The following MPV17 variants were observed in gnomAD, a reference collection of about 807,000 sequenced individuals.
MPV17 encodes MPV17, mitochondrial inner membrane protein.
In MPV17, 31 loss-of-function variants were observed where a neutral mutation model predicts 28.6. The ratio of observed to expected loss-of-function variants is 1.08; its 90% CI spans 0.81 to 1.46. The LOEUF (loss-of-function observed/expected upper bound fraction) is 1.46, where lower values mean the gene tolerates loss of function less well. Ranked by LOEUF, MPV17 falls within the 40% of genes most tolerant of loss-of-function variation. MPV17 has a pLI of 0.00. For synonymous variants in MPV17, 87 were observed against 85.3 expected, an observed-to-expected ratio of 1.02 and a Z score of -0.11; for missense variants, 198 against 216.2, an observed-to-expected ratio of 0.92 and a Z score of 0.53.
intron 2 of MPV17, among the ~76,000 whole-genome samples, chr2:27,321,045 A>G (rs1448556813): frequency 6.6e-6 from 1 of 152,208 alleles, no homozygotes; most frequent in Admixed American, 6.5e-5. Context: ...CCAGAACTCC[A>G]GCCACATGTC....
intron 2 of MPV17, among the ~76,000 whole-genome samples, chr2:27,320,000 G>A (rs1679798130): frequency 6.6e-6 from 1 of 151,394 alleles, no homozygotes. Context: ...CACTTTAGGA[G>A]GCCGAGGCGG....
chr2:27,314,701 G>T (rs1043020558), intron 2 of MPV17, among the ~76,000 whole-genome samples: 3 of 152,178 alleles, frequency 2.0e-5, no homozygotes, highest in East Asian at 1.9e-4. Context: ...GTGACCGTGT[G>T]ATTTCCAGCT....
intron 2 of MPV17, among the ~76,000 whole-genome samples, chr2:27,318,973 C>A (rs1333526147): frequency 6.6e-6 from 1 of 152,056 alleles, no homozygotes; most frequent in African/African-American, 2.4e-5. Flanking sequence ...CCATGTTGGC[C>A]AGGCTGGTCT....
intron 7 of MPV17, chr2:27,311,443 C>T: frequency 1.3e-6 from 1 of 771,942 alleles, no homozygotes; most frequent in Non-Finnish European, 2.1e-6. Flanking sequence ...CCCCTGTTCC[C>T]ACGATCCTTC....
In MPV17 at chr2:27,322,614, C is replaced by T. The variant is rs548792460; in HGVS notation, c.-5-92G>A. The T allele has an allele frequency of 1.8e-4, 185 of 1,001,808 alleles. No homozygotes were observed. The African/African-American group carries it at 2.7e-3, about 15-fold the overall frequency. The allele number at this position is 1,001,808 out of a possible 1,614,324, so 62.1% of individuals were successfully genotyped here. ...ATTCCCTTGTGCCCACTCCCTTCCC[C>T]TTCCCACTTCCAATGTGACTTAAAG... On this transcript the variant is annotated intron_variant, in intron 1 of 7. Coordinates refer to ENST00000380044, the MANE Select transcript of MPV17 (RefSeq NM_002437.5).
rs766487119 is a variant in MPV17 at position 27,312,742 on chromosome 2, A to T, written c.217T>A (p.Leu73Met). Residue 73 changes from leucine (L) to methionine (M), a missense_variant, in exon 4 of 8, where the codon TTG becomes ATG. Coordinates refer to ENST00000380044, the MANE Select transcript of MPV17 (RefSeq NM_002437.5). ...GPVVGGWYKV[L>M]DRFIPGTTKV... ...GTGGTGCCAGGGATGAACCGATCCAAAACCTTGTACCAGCCTCCTACCACA... is the reference window on the plus strand; with the variant it reads ...GTGGTGCCAGGGATGAACCGATCCATAACCTTGTACCAGCCTCCTACCACA... 29 of 1,614,088 alleles carry T rather than the reference A, an allele frequency of 1.8e-5. No individual in the cohort carries two copies. The Admixed American group carries it at 4.2e-4, about 23-fold the overall frequency.
rs761159373 is a variant in MPV17, at chr2:27,314,042, C to T, written c.71-933G>A. Among the ~76,000 whole-genome samples, 98 of 152,126 alleles carry T rather than the reference C, an allele frequency of 6.4e-4. 2 individuals are homozygous for T. Among genetic ancestry groups the T allele is most frequent in the Non-Finnish European group, 2.1e-4 (14 of 68,028 alleles). On this transcript the variant is annotated intron_variant, in intron 2 of 7. Transcript: ENST00000380044. ...AAATCTTTTTCTAAAACAAGAGTGC[C>T]GGCCTGGAATGGTGGCTCACACCTG...
rs1487955038 is a variant in MPV17 at position 27,317,037 on chromosome 2, G to A, written c.71-3928C>T. ...CACACCCTCTTCCCGGGCATGGGCA[G>A]GGTAAATTCCCTACTTCTCCTATTT... On this transcript the variant is annotated intron_variant, in intron 2 of 7. Transcript: ENST00000380044. This position sits in a 1 kb window ranked among gnomAD's most constrained non-coding sequence, Gnocchi z 4.0. The A allele has an allele frequency of 1.3e-5, 20 of 1,515,574 alleles. No homozygotes were observed. The highest frequency in any genetic ancestry group is 1.8e-5 in the Non-Finnish European group (20 of 1,126,206). 93.9% of individuals were successfully genotyped at this position (1,515,574 alleles called of 1,614,324 possible).
chr2:27,317,737 G>C lies in MPV17; in HGVS notation c.71-4628C>G, dbSNP rs1031814754. On this transcript the variant is annotated intron_variant, in intron 2 of 7. Coordinates refer to ENST00000380044, the MANE Select transcript of MPV17 (RefSeq NM_002437.5). This position sits in a 1 kb window ranked among gnomAD's most constrained non-coding sequence, Gnocchi z 4.0. ...AGTAGACTAAGATGGATGAAGCTCG[G>C]CCCTGGGCCCACTGGAGAGTGGAAG... Among the ~76,000 whole-genome samples, 2 of 152,200 alleles carry C rather than the reference G, an allele frequency of 1.3e-5. No individual in the cohort carries two copies. The highest frequency in any genetic ancestry group is 2.9e-5 in the Non-Finnish European group (2 of 68,042).
At position 27,317,715 on chromosome 2, in the gene MPV17, A is replaced by G. The variant is rs1345076328; in HGVS notation, c.71-4606T>C. 6.6e-6 allele frequency among the ~76,000 whole-genome samples: 1 copy of G among 152,216 alleles called. No homozygotes were observed. Among genetic ancestry groups the G allele is most frequent in the Non-Finnish European group, 1.5e-5 (1 of 68,032 alleles). ...AGCTGCTCCCACAGCAGGACCGAGT[A>G]GACTAAGATGGATGAAGCTCGGCCC... On this transcript the variant is annotated intron_variant, in intron 2 of 7. Transcript: ENST00000380044. The surrounding 1 kb of genome is among the most constrained non-coding windows in gnomAD (Gnocchi z 4.0).
At chr2:27,312,005 T>C (rs1224130187) in intron 6 of MPV17, 54 bp from the exon 7 acceptor site, 17 of 1,599,350 alleles carry the variant, frequency 1.1e-5, no homozygotes, top group Non-Finnish European at 1.5e-5. Context: ...GACCCCAGAC[T>C]CACTGTCTTG....
chr2:27,320,045 G>A (rs949141187), intron 2 of MPV17, among the ~76,000 whole-genome samples: 1 of 151,730 alleles, frequency 6.6e-6, no homozygotes, highest in African/African-American at 2.4e-5. Context: ...AGACCAGCCT[G>A]GCCAACATGG....
intron 2 of MPV17, among the ~76,000 whole-genome samples, chr2:27,319,137 T>C (rs1347676163): frequency 3.9e-5 from 6 of 151,960 alleles, no homozygotes; most frequent in African/African-American, 1.2e-4. Context: ...CAGTGGCTAA[T>C]TCAATAATGC....
intron 5 of MPV17, 75 bp downstream of exon 5, chr2:27,312,419 C>T (rs1679482448): frequency 2.0e-6 from 3 of 1,526,250 alleles, no homozygotes; most frequent in African/African-American, 2.7e-5. Flanking sequence ...CTTTTTTATC[C>T]CTGTAAAACC....
intron 2 of MPV17, chr2:27,322,021 T>C (rs1679878248): frequency 5.0e-6 from 1 of 201,684 alleles, no homozygotes; most frequent in African/African-American, 2.3e-5. Flanking sequence ...AAAACTGGGG[T>C]AAGAGTCTTG....
intron 2 of MPV17, among the ~76,000 whole-genome samples, chr2:27,315,178 A>G (rs1679604345): frequency 6.6e-6 from 1 of 152,266 alleles, no homozygotes; most frequent in Non-Finnish European, 1.5e-5. Context: ...CTCAGAAAAT[A>G]AAGGGAAAAC....
At chr2:27,311,764 C>G in intron 7 of MPV17, 135 bp downstream of exon 7, 3 of 1,559,332 alleles carry the variant, frequency 1.9e-6, no homozygotes, top group Middle Eastern at 1.7e-4. Context: ...GCTTGGGAAT[C>G]TGAGGAACTC....
chr2:27,310,484 G>T (rs1679389672), intron 7 of MPV17, among the ~76,000 whole-genome samples: 1 of 152,188 alleles, frequency 6.6e-6, no homozygotes, highest in Admixed American at 6.5e-5. Context: ...CTGTTTCCTG[G>T]CTGAGAGCCT....
chr2:27,318,545 A>G (rs1679742372), intron 2 of MPV17, among the ~76,000 whole-genome samples: 1 of 150,602 alleles, frequency 6.6e-6, no homozygotes, highest in Non-Finnish European at 1.5e-5. Flanking sequence ...TTTAGTAGAG[A>G]CGGGACTTCA....
Sources: gnomAD v4.1 joint callset for allele counts (sites outside exome capture counted in the v4.1 genomes callset) on GRCh38, gnomAD v4.1.1 for gene constraint, Gnocchi (gnomAD v3.1) non-coding constraint, MANE v1.5 for transcripts, NCBI Gene and HGNC (gene_info 2026-07-23, HGNC 2026-07-21) for gene names.